Variants in EZH1 observed in about 807,000 individuals in gnomAD.
The protein encoded by EZH1 is enhancer of zeste 1 polycomb repressive complex 2 subunit.
In EZH1, 33 loss-of-function variants were observed where a neutral mutation model predicts 100.5. The ratio of observed to expected loss-of-function variants is 0.33; its 90% CI spans 0.25 to 0.44. The LOEUF (loss-of-function observed/expected upper bound fraction) is 0.44, where lower values mean the gene tolerates loss of function less well. Ranked by LOEUF, EZH1 falls within the 20% of genes least tolerant of loss-of-function variation. The probability of loss-of-function intolerance (pLI) is 1.00; values close to 1 mark genes in which losing one functional copy is unlikely to be tolerated. For missense variants in EZH1, 475 were observed against 928.4 expected (o/e 0.51, Z 6.35); for synonymous variants, 272 against 313.8 (o/e 0.87, Z 1.41).
chr17:42,717,730 G>A (rs2053632904), intron 10 of EZH1, among the ~76,000 whole-genome samples: 1 of 152,134 alleles, frequency 6.6e-6, no homozygotes, highest in African/African-American at 2.4e-5. Context: ...TGAAATCTAA[G>A]CAGATGATAT....
At chr17:42,744,553 C>G (rs552212935) in intron 1 of EZH1, among the ~76,000 whole-genome samples, 56 of 152,298 alleles carry the variant, frequency 3.7e-4, no homozygotes, top group African/African-American at 1.3e-3. Flanking sequence ...TACTGCTACC[C>G]CTCCTCAACA....
chr17:42,714,994 T>C (rs189187439), intron 10 of EZH1, among the ~76,000 whole-genome samples: 1,842 of 138,570 alleles, frequency 0.013, 44 homozygotes, highest in African/African-American at 0.047. Flanking sequence ...TATTTATATA[T>C]AATTTATATA....
chr17:42,733,138 G>A (rs964679899), intron 1 of EZH1, among the ~76,000 whole-genome samples: 2 of 151,722 alleles, frequency 1.3e-5, no homozygotes, highest in African/African-American at 4.8e-5. Context: ...GGGAGTTTGA[G>A]ACCAGCCTGA....
At chr17:42,731,129 T>G (rs944014533) in intron 1 of EZH1, among the ~76,000 whole-genome samples, 1 of 152,084 alleles carries the variant, frequency 6.6e-6, no homozygotes. Flanking sequence ...AATGCTTTTT[T>G]TTTTTAAAGA....
intron 1 of EZH1, among the ~76,000 whole-genome samples, chr17:42,744,217 G>A (rs577327572): frequency 6.6e-6 from 1 of 152,242 alleles, no homozygotes; most frequent in East Asian, 1.9e-4. Context: ...TTCCTCAGTA[G>A]TCACTTTTTA....
intron 1 of EZH1, among the ~76,000 whole-genome samples, chr17:42,740,101 C>T (rs932925472): frequency 1.3e-5 from 2 of 152,050 alleles, no homozygotes; most frequent in African/African-American, 4.8e-5. Flanking sequence ...CCCACTCTGC[C>T]GACCAGGCAT....
chr17:42,714,655 A>G (rs756960960), intron 10 of EZH1: 5 of 263,070 alleles, frequency 1.9e-5, no homozygotes, highest in Non-Finnish European at 3.8e-5. Context: ...TTAAAAATGA[A>G]GTTTTTTTGA....
chr17:42,739,862 C>T (rs1355075035), intron 1 of EZH1, among the ~76,000 whole-genome samples: 1 of 151,416 alleles, frequency 6.6e-6, no homozygotes, highest in Non-Finnish European at 1.5e-5. Context: ...TGGCTCACTG[C>T]AAGCTCCATC....
At chr17:42,732,081 T>C (rs1172633422) in intron 1 of EZH1, among the ~76,000 whole-genome samples, 1 of 150,494 alleles carries the variant, frequency 6.6e-6, no homozygotes, top group East Asian at 1.9e-4. Context: ...ATTGTACCAC[T>C]GCATCCAGCC....
Position 42,730,910 on chromosome 17 carries a change from G to A in EZH1, c.-94C>T. The A allele has an allele frequency of 1.0e-6, 1 of 985,350 alleles. No individual in the cohort carries two copies. The highest frequency in any genetic ancestry group is 4.7e-5 in the South Asian group (1 of 21,284). The allele number at this position is 985,350 out of a possible 1,614,324, so 61.0% of individuals were successfully genotyped here. On this transcript the variant is annotated 5_prime_UTR_variant, in exon 2 of 21. Coordinates refer to ENST00000428826, the MANE Select transcript of EZH1 (RefSeq NM_001991.5). ...AATGGCAGGACACAACAGCAGAACA[G>A]GTGTCCAGCTTTTCAAAAGAGAACA...
intron 13 of EZH1, 64 bp downstream of exon 13, chr17:42,709,782 G>A: frequency 6.7e-7 from 1 of 1,493,882 alleles, no homozygotes; most frequent in Non-Finnish European, 9.3e-7. Flanking sequence ...GAACTCCAAG[G>A]GGAGGTCAGA....
At chr17:42,739,424 T>G (rs1378511488) in intron 1 of EZH1, among the ~76,000 whole-genome samples, 1 of 152,152 alleles carries the variant, frequency 6.6e-6, no homozygotes, top group Non-Finnish European at 1.5e-5. Flanking sequence ...TATTTCCTAG[T>G]GTTGCTTAAT....
At chr17:42,721,679 T>C (rs75877605) in intron 6 of EZH1, among the ~76,000 whole-genome samples, 2 of 134,250 alleles carry the variant, frequency 1.5e-5, no homozygotes, top group Non-Finnish European at 3.3e-5. Context: ...ACTAGGGTAA[T>C]AAAAAAAAAA....
chr17:42,735,776 A>G (rs1010135869), intron 1 of EZH1, among the ~76,000 whole-genome samples: 3 of 152,178 alleles, frequency 2.0e-5, no homozygotes, highest in Non-Finnish European at 2.9e-5. Context: ...TCACAAGGTC[A>G]GGAGTTCGAG....
At chr17:42,723,887 C>T (rs1273998161) in intron 5 of EZH1, among the ~76,000 whole-genome samples, 9 of 152,154 alleles carry the variant, frequency 5.9e-5, no homozygotes, top group Non-Finnish European at 8.8e-5. Context: ...ACTGTGTGCA[C>T]GTCTGTTGTC....
intron 10 of EZH1, among the ~76,000 whole-genome samples, chr17:42,716,328 C>T (rs889605911): frequency 4.6e-5 from 7 of 151,860 alleles, no homozygotes; most frequent in East Asian, 1.9e-4. Context: ...AATGGTTCAG[C>T]AAAAGATATA....
chr17:42,709,023 G>GAA, intron 13 of EZH1, 107 bp from the exon 14 acceptor site: 1 of 1,298,800 alleles, frequency 7.7e-7, no homozygotes, highest in Non-Finnish European at 1.1e-6. Flanking sequence ...TGATGACTGG[G>GAA]GAGTATCTTC....
At chr17:42,712,253 G>T (rs764976578) in intron 12 of EZH1, 36 bp downstream of exon 12, 1 of 1,601,240 alleles carries the variant, frequency 6.2e-7, no homozygotes, top group East Asian at 2.2e-5. Flanking sequence ...TGCGTGAAAG[G>T]AGGGGCCCAT....
At chr17:42,712,113 G>A (rs969638305) in intron 12 of EZH1, among the ~76,000 whole-genome samples, 176 bp downstream of exon 12, 1 of 152,190 alleles carries the variant, frequency 6.6e-6, no homozygotes, top group African/African-American at 2.4e-5. Context: ...CATTAGGCCT[G>A]GCACTTGCAG....
Sources: allele counts gnomAD v4.1 joint callset (sites outside exome capture counted in the v4.1 genomes callset), GRCh38; gene constraint gnomAD v4.1.1; transcripts MANE v1.5; gene names NCBI Gene and HGNC (gene_info 2026-07-23, HGNC 2026-07-21).